The following RUNX2 variants were observed in gnomAD, a reference collection of about 807,000 sequenced individuals.
RUNX2 encodes runt-related transcription factor 2.
A neutral mutation model predicts 51.7 loss-of-function variants in RUNX2; 10 were observed. That is an observed-to-expected ratio of 0.19 (90% confidence interval 0.12 to 0.33). RUNX2 has a LOEUF of 0.33. RUNX2 is among the 10% of genes least tolerant of loss of function. The pLI is 1.00. For synonymous variants in RUNX2, 276 were observed against 273.6 expected (o/e 1.01, Z -0.09); for missense variants, 562 against 691.3 (o/e 0.81, Z 2.10).
chr6:45,341,609 TAA>T (rs1789793774), intron 2 of RUNX2, among the ~76,000 whole-genome samples: 1 of 152,086 alleles, frequency 6.6e-6, no homozygotes, highest in South Asian at 2.1e-4. Flanking sequence ...CGCAACTTCA[TAA>T]AGAGTACAAT....
intron 5 of RUNX2, among the ~76,000 whole-genome samples, chr6:45,439,134 C>T (rs2150372692): frequency 6.6e-6 from 1 of 152,278 alleles, no homozygotes; most frequent in Non-Finnish European, 1.5e-5. Context: ...GGGTCCCGTC[C>T]CTTTTGCTGC....
In RUNX2 at chr6:45,491,878, A is replaced by T. The variant is rs935036805; in HGVS notation, c.686-63A>T. On this transcript the variant is annotated intron_variant, in intron 5 of 8. Transcript: ENST00000647337. ...TCCCAGTTTGTATGTTCACATATCT[A>T]TTTAGCATGGTCAATTGTTCAGCTA... 3.3e-6 allele frequency: 5 copies of T among 1,534,772 alleles called. No individual in the cohort carries two copies. The Admixed American group carries it at 6.7e-5, about 21-fold the overall frequency.
intron 2 of RUNX2, among the ~76,000 whole-genome samples, chr6:45,342,772 C>T (rs1689897515): frequency 6.6e-6 from 1 of 151,876 alleles, no homozygotes; most frequent in South Asian, 2.1e-4. Flanking sequence ...TTCCTGAACC[C>T]ATACAAAAAA....
chr6:45,513,127 C>T (rs539805686), intron 7 of RUNX2, among the ~76,000 whole-genome samples: 8 of 152,210 alleles, frequency 5.3e-5, no homozygotes, highest in Non-Finnish European at 1.0e-4. Context: ...CTGGAGAATT[C>T]ATCACAGAGA....
chr6:45,543,269 G>A (rs997967378), intron 7 of RUNX2, among the ~76,000 whole-genome samples: 10 of 152,076 alleles, frequency 6.6e-5, no homozygotes, highest in Non-Finnish European at 1.5e-4. Context: ...GAAACTCTTC[G>A]CACCAAGTGA....
intron 2 of RUNX2, among the ~76,000 whole-genome samples, chr6:45,347,777 G>C (rs1267626238): frequency 6.8e-6 from 1 of 148,104 alleles, no homozygotes; most frequent in Non-Finnish European, 1.5e-5. Context: ...AAAAAAAAAA[G>C]ACGTATATTT....
chr6:45,348,680 A>T (rs1791425144), intron 2 of RUNX2, among the ~76,000 whole-genome samples: 1 of 151,774 alleles, frequency 6.6e-6, no homozygotes, highest in Non-Finnish European at 1.5e-5. Context: ...AACTCAAAAA[A>T]AAAAAAAAAA....
At chr6:45,428,739 C>A (rs1467315277) in intron 3 of RUNX2, among the ~76,000 whole-genome samples, 1 of 151,638 alleles carries the variant, frequency 6.6e-6, no homozygotes, top group Non-Finnish European at 1.5e-5. Context: ...AATCAATTTT[C>A]CATTTCTTCT....
intron 7 of RUNX2, among the ~76,000 whole-genome samples, chr6:45,531,255 G>T (rs902059611): frequency 3.3e-5 from 5 of 152,136 alleles, no homozygotes; most frequent in Non-Finnish European, 5.9e-5. Flanking sequence ...TGTTATCACT[G>T]ATCTTTCCAG....
intron 5 of RUNX2, among the ~76,000 whole-genome samples, chr6:45,458,088 G>A (rs1453059107): frequency 1.4e-5 from 2 of 147,182 alleles, no homozygotes; most frequent in Admixed American, 1.4e-4. Context: ...GTGCAATGGC[G>A]CGATCTCAGC....
intron 7 of RUNX2, among the ~76,000 whole-genome samples, chr6:45,528,039 A>C (rs565358257): frequency 6.6e-6 from 1 of 152,280 alleles, no homozygotes; most frequent in South Asian, 2.1e-4. Context: ...CACATCTTAC[A>C]TGGTGGCAGG....
intron 5 of RUNX2, among the ~76,000 whole-genome samples, chr6:45,459,689 G>A (rs907460516): frequency 6.6e-6 from 1 of 152,144 alleles, no homozygotes; most frequent in African/African-American, 2.4e-5. Context: ...GTGTTCTATT[G>A]AAAGAGGGAG....
intron 2 of RUNX2, among the ~76,000 whole-genome samples, chr6:45,347,066 G>A (rs1484426604): frequency 2.6e-5 from 4 of 151,988 alleles, no homozygotes; most frequent in African/African-American, 9.7e-5. Flanking sequence ...ATTAAAAATT[G>A]AACACATTTT....
chr6:45,414,415 A>G (rs900039001), intron 2 of RUNX2, among the ~76,000 whole-genome samples: 2 of 152,214 alleles, frequency 1.3e-5, no homozygotes, highest in East Asian at 1.9e-4. Flanking sequence ...AGTATTTTCT[A>G]AAAATACTTC....
intron 5 of RUNX2, among the ~76,000 whole-genome samples, chr6:45,444,499 G>C (rs1029591972): frequency 6.6e-6 from 1 of 152,192 alleles, no homozygotes; most frequent in Non-Finnish European, 1.5e-5. Context: ...GCTTCAGTAA[G>C]GGTCTGGGGC....
chr6:45,439,106 G>C (rs983566807), intron 5 of RUNX2, among the ~76,000 whole-genome samples: 1 of 152,170 alleles, frequency 6.6e-6, no homozygotes, highest in African/African-American at 2.4e-5. Context: ...TACCTTCCTA[G>C]CAGTGGGAGC....
chr6:45,489,964 A>T (rs1271514890), intron 5 of RUNX2, among the ~76,000 whole-genome samples: 4 of 152,176 alleles, frequency 2.6e-5, no homozygotes, highest in Non-Finnish European at 2.9e-5. Flanking sequence ...TATGATCTGG[A>T]TATTTTCAGT....
intron 3 of RUNX2, among the ~76,000 whole-genome samples, chr6:45,427,373 T>G (rs2150365324): frequency 6.6e-6 from 1 of 152,232 alleles, no homozygotes; most frequent in Middle Eastern, 3.4e-3. Flanking sequence ...GAAATAATTT[T>G]TATCAAAATT....
At chr6:45,419,819 C>T (rs971568336) in intron 2 of RUNX2, among the ~76,000 whole-genome samples, 5 of 152,030 alleles carry the variant, frequency 3.3e-5, no homozygotes, top group Admixed American at 6.5e-5. Context: ...GCCAGTAGGC[C>T]GGGCGCGAAG....
Sources: allele counts gnomAD v4.1 joint callset (sites outside exome capture counted in the v4.1 genomes callset), GRCh38; gene constraint gnomAD v4.1.1; transcripts MANE v1.5; gene names NCBI Gene and HGNC (gene_info 2026-07-23, HGNC 2026-07-21).